The following TMEM236 variants were observed in gnomAD, a reference collection of about 807,000 sequenced individuals.
TMEM236 encodes the protein transmembrane protein 236.
TMEM236 carries 11 observed loss-of-function variants against 14.7 expected under a neutral mutation model. The ratio of observed to expected loss-of-function variants is 0.75; its 90% CI spans 0.47 to 1.24. The LOEUF (loss-of-function observed/expected upper bound fraction) is 1.24. Among genes scored for constraint, TMEM236 ranks in the 50% most tolerant of loss-of-function variants. The pLI, the probability that TMEM236 is intolerant of heterozygous loss-of-function variation, is 0.00. For missense variants in TMEM236, 464 were observed against 427.3 expected, an observed-to-expected ratio of 1.09 and a Z score of -0.76; for synonymous variants, 182 against 168.6, an observed-to-expected ratio of 1.08 and a Z score of -0.62.
intron 1 of TMEM236, among the ~76,000 whole-genome samples, chr10:17,766,687 A>G (rs191325068): frequency 6.6e-6 from 1 of 152,314 alleles, no homozygotes; most frequent in African/African-American, 2.4e-5. Context: ...ATTGGCGTTA[A>G]GTTTCCTAGA....
intron 1 of TMEM236, among the ~76,000 whole-genome samples, chr10:17,768,906 T>C (rs1554834550): frequency 6.6e-6 from 1 of 152,192 alleles, no homozygotes; most frequent in Non-Finnish European, 1.5e-5. Flanking sequence ...TAAATTGTGA[T>C]AAAATACATA....
chr10:17,796,890 C>T lies in TMEM236; in HGVS notation c.*386C>T, dbSNP rs1838025388. The T allele has an allele frequency of 3.7e-6, 1 of 268,856 alleles. No homozygotes were observed. Among genetic ancestry groups the T allele is most frequent in the Non-Finnish European group, 7.1e-6 (1 of 140,872 alleles). 16.7% of individuals were successfully genotyped at this position (268,856 alleles called of 1,614,324 possible). On this transcript the variant is annotated 3_prime_UTR_variant, in exon 4 of 4. Coordinates refer to ENST00000377495, the MANE Select transcript of TMEM236 (RefSeq NM_001098844.3). Reference sequence around the variant, plus strand: ...TTCCCGCCTGCATTCCGCCTCCTGTCAGATCAGCAGCAGCATTAGATCCTC... The same window carrying T: ...TTCCCGCCTGCATTCCGCCTCCTGTTAGATCAGCAGCAGCATTAGATCCTC...
Position 17,796,504 on chromosome 10 carries a change from A to T in TMEM236, c.1056A>T (p.Ter352TyrextTer6). The change falls in exon 4 of 4, where the codon TAA becomes TAT. Residue 352 changes from the stop codon to tyrosine (Y), a stop_lost. Coordinates refer to ENST00000377495, the MANE Select transcript of TMEM236 (RefSeq NM_001098844.3). ...CTGCCTTTGAAATGTCTCCATTTTA[A>T]AAAGGAAATGGGATCTAGTAAGGCC... ...IFSAFEMSPF* is the reference protein window; with the variant it reads ...IFSAFEMSPFY 6.2e-7 allele frequency: 1 copy of T among 1,607,240 alleles called. No individual in the cohort carries two copies. The highest frequency in any genetic ancestry group is 8.5e-7 in the Non-Finnish European group (1 of 1,173,894).
rs1837224514 is a variant in TMEM236 at position 17,752,530 on chromosome 10, A to C, written c.235A>C (p.Ile79Leu). 6.2e-7 allele frequency: 1 copy of C among 1,613,860 alleles called. No individual in the cohort carries two copies. Among genetic ancestry groups the C allele is most frequent in the African/African-American group, 1.3e-5 (1 of 75,016 alleles). The change falls in exon 1 of 4, where the codon ATT becomes CTT. Residue 79 changes from isoleucine to leucine, a missense_variant. Transcript: ENST00000377495. ...AGTTATCCTGCACAAGAAACGTTAT[A>C]TTTACAGAAAAATTAAAGGATGGTA... ...VKVILHKKRY[I>L]YRKIKGWRPV... is the part of the protein sequence containing the mutation.
At position 17,795,350 on chromosome 10, in the gene TMEM236, C is replaced by T. The variant is rs925793468; in HGVS notation, c.473-571C>T. On this transcript the variant is annotated intron_variant, in intron 3 of 3. Transcript: ENST00000377495. Reference sequence around the variant, plus strand: ...AATACTAACTGCATTTGAATATTGGCGTTCTTTAACCTCTCAAGCCCGTTT... The same window carrying T: ...AATACTAACTGCATTTGAATATTGGTGTTCTTTAACCTCTCAAGCCCGTTT... Among the ~76,000 whole-genome samples, 12 of 152,244 alleles carry T rather than the reference C, an allele frequency of 7.9e-5. No individual in the cohort carries two copies. In the East Asian group the frequency reaches 1.9e-3, roughly 24 times the overall value.
At position 17,768,727 on chromosome 10, in the gene TMEM236, A is replaced by ATGTGTGTGTGTGTG. The variant is rs570319904; in HGVS notation, c.258-2561_258-2548dup. ...AGTCATAGGGCTATGTATACAACTCATGTGTGTGTGTGTGTGTGTGTGTGT... is the reference window on the plus strand; with the variant it reads ...AGTCATAGGGCTATGTATACAACTCATGTGTGTGTGTGTGTGTGTGTGTGTGTGTGTGTGTGTGT... On this transcript the variant is annotated intron_variant, in intron 1 of 3. Coordinates refer to ENST00000377495, the MANE Select transcript of TMEM236 (RefSeq NM_001098844.3). Among the ~76,000 whole-genome samples, 685 of 144,280 alleles carry ATGTGTGTGTGTGTG rather than the reference A, an allele frequency of 4.7e-3. 2 individuals are homozygous for ATGTGTGTGTGTGTG. Among genetic ancestry groups the ATGTGTGTGTGTGTG allele is most frequent in the Non-Finnish European group, 7.1e-3 (465 of 65,574 alleles). The allele number at this position is 144,280 out of a possible 152,430, so 94.7% of individuals were successfully genotyped here. A position where few individuals can be genotyped will look rare whatever the true frequency, so the allele number is the denominator to read the frequency against.
intron 1 of TMEM236, among the ~76,000 whole-genome samples, chr10:17,768,449 T>C (rs920160833): frequency 1.6e-4 from 25 of 152,186 alleles, no homozygotes; most frequent in Admixed American, 3.9e-4. Flanking sequence ...TTCAATATAA[T>C]TGATTTATTT....
intron 1 of TMEM236, among the ~76,000 whole-genome samples, chr10:17,759,807 C>T (rs1837329800): frequency 6.6e-6 from 1 of 151,676 alleles, no homozygotes; most frequent in African/African-American, 2.4e-5. Flanking sequence ...GGTGAAACCC[C>T]GTCTCTACTA....
intron 3 of TMEM236, among the ~76,000 whole-genome samples, chr10:17,794,284 C>T (rs1182462912): frequency 4.6e-5 from 7 of 152,156 alleles, no homozygotes; most frequent in African/African-American, 1.7e-4. Context: ...GCTATTCAGT[C>T]TAATGGCTCC....
At chr10:17,757,628 G>A (rs1837302517) in intron 1 of TMEM236, among the ~76,000 whole-genome samples, 1 of 151,590 alleles carries the variant, frequency 6.6e-6, no homozygotes, top group Non-Finnish European at 1.5e-5. Flanking sequence ...ATGTAATGGG[G>A]GAGCTAGGAT....
chr10:17,777,394 T>G (rs923352860), intron 3 of TMEM236, among the ~76,000 whole-genome samples: 3 of 152,182 alleles, frequency 2.0e-5, no homozygotes, highest in Non-Finnish European at 4.4e-5. Flanking sequence ...CTCAGGAGAG[T>G]TGGGAATCTC....
chr10:17,761,747 T>TA (rs1564593122), intron 1 of TMEM236, among the ~76,000 whole-genome samples: 1 of 151,904 alleles, frequency 6.6e-6, no homozygotes. Context: ...CCGCACCCCT[T>TA]AAAAATCTCC....
intron 3 of TMEM236, among the ~76,000 whole-genome samples, chr10:17,794,821 T>C (rs2131769497): frequency 6.6e-6 from 1 of 152,208 alleles, no homozygotes; most frequent in South Asian, 2.1e-4. Flanking sequence ...GAAGATCACA[T>C]GAGGTCAGGA....
rs1183610441 is a variant in TMEM236 at position 17,764,858 on chromosome 10, G to T, written c.258-6451G>T. 2.8e-4 allele frequency among the ~76,000 whole-genome samples: 11 copies of T among 39,648 alleles called. No individual in the cohort carries two copies. The Admixed American group carries it at 2.9e-3, about 10-fold the overall frequency. 26.0% of individuals were successfully genotyped at this position (39,648 alleles called of 152,430 possible). Reference sequence around the variant, plus strand: ...TTCCCTTTTTTTTTTTTTGAGACGGGGTCTCATTCTGTCTCCCAGGCTGGA... The same window carrying T: ...TTCCCTTTTTTTTTTTTTGAGACGGTGTCTCATTCTGTCTCCCAGGCTGGA... On this transcript the variant is annotated intron_variant, in intron 1 of 3. Transcript: ENST00000377495.
At chr10:17,785,347 A>C (rs2461158) in intron 3 of TMEM236, among the ~76,000 whole-genome samples, 128,864 of 152,086 alleles carry the variant, frequency 0.85, 55,164 homozygotes, top group African/African-American at 0.94. Context: ...GCTCCGCCAT[A>C]GATTATGATG....
chr10:17,770,849 T>C (rs989340654), intron 1 of TMEM236, among the ~76,000 whole-genome samples: 6 of 117,268 alleles, frequency 5.1e-5, no homozygotes, highest in Non-Finnish European at 1.1e-4. Context: ...AGTAAAAAAA[T>C]GTAAATGTTT....
chr10:17,793,358 G>A (rs1837958663), intron 3 of TMEM236, among the ~76,000 whole-genome samples: 1 of 152,166 alleles, frequency 6.6e-6, no homozygotes, highest in Non-Finnish European at 1.5e-5. Context: ...ACTGTGTTCT[G>A]AATGTTGACA....
chr10:17,789,864 AC>A lies in TMEM236; in HGVS notation c.473-6056del, dbSNP rs1168894315. Among the ~76,000 whole-genome samples, 6 of 137,818 alleles carry A rather than the reference AC, an allele frequency of 4.4e-5. No individual in the cohort carries two copies. In the South Asian group the frequency reaches 1.1e-3, roughly 26 times the overall value. 90.4% of individuals were successfully genotyped at this position (137,818 alleles called of 152,430 possible). ...GTGAAACCCCATCTCTACTAAAAATACAAAAAAAAATTAGCCGGGCGTGGGG... is the reference window on the plus strand; with the variant it reads ...GTGAAACCCCATCTCTACTAAAAATAAAAAAAAAATTAGCCGGGCGTGGGG... On this transcript the variant is annotated intron_variant, in intron 3 of 3. Coordinates refer to ENST00000377495, the MANE Select transcript of TMEM236 (RefSeq NM_001098844.3).
chr10:17,768,955 A>C (rs991799199), intron 1 of TMEM236, among the ~76,000 whole-genome samples: 4 of 152,194 alleles, frequency 2.6e-5, no homozygotes, highest in African/African-American at 9.7e-5. Flanking sequence ...TTAAGGGTAC[A>C]GTTCGGTGGC....
Sources: gnomAD v4.1 joint callset for allele counts (sites outside exome capture counted in the v4.1 genomes callset) on GRCh38, gnomAD v4.1.1 for gene constraint, MANE v1.5 for transcripts, NCBI Gene and HGNC (gene_info 2026-07-23, HGNC 2026-07-21) for gene names.